Variants in PTCHD4 observed in about 807,000 individuals in gnomAD.
PTCHD4 encodes the protein patched domain-containing protein 4.
Under a neutral mutation model 58.1 loss-of-function variants are expected in PTCHD4, and 33 were observed. That is an observed-to-expected ratio of 0.57 (90% CI 0.43 to 0.76). The LOEUF (loss-of-function observed/expected upper bound fraction) is 0.76. PTCHD4 is among the 30% of genes least tolerant of loss of function. The pLI, the probability that PTCHD4 is intolerant of heterozygous loss-of-function variation, is 0.00. For missense variants in PTCHD4, 1,058 were observed against 1,027.1 expected, an observed-to-expected ratio of 1.03 and a Z score of -0.41; for synonymous variants, 478 against 409.6, an observed-to-expected ratio of 1.17 and a Z score of -2.02.
Position 47,880,518 on chromosome 6 carries a change from G to A in PTCHD4, c.899-582C>T, listed in dbSNP as rs141443834. Among the ~76,000 whole-genome samples the A allele has an allele frequency of 3.9e-3, 473 of 121,416 alleles. 6 individuals are homozygous for A. Among genetic ancestry groups the A allele is most frequent in the African/African-American group, 0.012 (446 of 36,100 alleles). 79.7% of individuals were successfully genotyped at this position (121,416 alleles called of 152,430 possible). A position where few individuals can be genotyped will look rare whatever the true frequency, so the allele number is the denominator to read the frequency against. ...TCCAAAGAGTTGATTAATTAGCTCC[G>A]GATGTGAGTTTTTAAAAAAAAAATC... On this transcript the variant is annotated intron_variant, in intron 4 of 4. Transcript: ENST00000339488.
intron 4 of PTCHD4, among the ~76,000 whole-genome samples, chr6:47,971,233 TAAGAA>T (rs1284234713): frequency 2.0e-5 from 3 of 151,760 alleles, no homozygotes; most frequent in African/African-American, 2.4e-5. Flanking sequence ...TTCAGAAAGT[TAAGAA>T]AAGAGATTGA....
chr6:48,013,611 T>C (rs1278286530), intron 3 of PTCHD4, among the ~76,000 whole-genome samples: 1 of 152,024 alleles, frequency 6.6e-6, no homozygotes, highest in Non-Finnish European at 1.5e-5. Context: ...GCTCTTTAAG[T>C]TGACACTAAT....
At chr6:48,014,993 A>G (rs958231905) in intron 3 of PTCHD4, among the ~76,000 whole-genome samples, 2 of 152,162 alleles carry the variant, frequency 1.3e-5, no homozygotes, top group African/African-American at 4.8e-5. Context: ...CGTCCTCTCC[A>G]CTAAGGCAAC....
chr6:47,992,739 ACTTT>A (rs921454410), intron 4 of PTCHD4, among the ~76,000 whole-genome samples: 20 of 152,196 alleles, frequency 1.3e-4, no homozygotes, highest in African/African-American at 4.6e-4. Context: ...GTGGTTTGAT[ACTTT>A]CTTTTTCTTT....
Position 47,869,813 on chromosome 6 carries a change from T to A in PTCHD4, c.*8490A>T, listed in dbSNP as rs1484544988. On this transcript the variant is annotated 3_prime_UTR_variant, in exon 5 of 5. Transcript: ENST00000339488. ...TATGTTATTTTACATTGTGATGTTA[T>A]AAGATGTTTTGTTTAGGAAGTTTAA... 2.0e-5 allele frequency among the ~76,000 whole-genome samples: 3 copies of A among 151,688 alleles called. No individual in the cohort carries two copies. The highest frequency in any genetic ancestry group is 4.4e-5 in the Non-Finnish European group (3 of 67,756).
intron 3 of PTCHD4, among the ~76,000 whole-genome samples, chr6:48,045,002 T>C (rs1763983190): frequency 6.6e-6 from 1 of 151,780 alleles, no homozygotes; most frequent in South Asian, 2.1e-4. Context: ...ATGCCCCATT[T>C]CTTATAGAAA....
At chr6:47,982,034 T>C (rs528546992) in intron 4 of PTCHD4, among the ~76,000 whole-genome samples, 21 of 152,322 alleles carry the variant, frequency 1.4e-4, no homozygotes, top group Middle Eastern at 3.4e-3. Flanking sequence ...AAAGATGGTG[T>C]GCACACTTCT....
chr6:48,091,358 G>A (rs1765362426), intron 1 of PTCHD4, among the ~76,000 whole-genome samples: 1 of 151,622 alleles, frequency 6.6e-6, no homozygotes, highest in South Asian at 2.1e-4. Context: ...TCAAAATATG[G>A]ACCTCAATCA....
At chr6:48,085,800 T>A (rs1169754796) in intron 1 of PTCHD4, among the ~76,000 whole-genome samples, 1 of 152,224 alleles carries the variant, frequency 6.6e-6, no homozygotes, top group Admixed American at 6.5e-5. Context: ...TACAATTTTC[T>A]ATTTTTTTCA....
At chr6:48,040,210 A>C (rs189795545) in intron 3 of PTCHD4, among the ~76,000 whole-genome samples, 1 of 152,098 alleles carries the variant, frequency 6.6e-6, no homozygotes, top group Non-Finnish European at 1.5e-5. Context: ...TGGTCTATCA[A>C]TCCAAGGAGG....
intron 3 of PTCHD4, among the ~76,000 whole-genome samples, chr6:48,028,027 G>A (rs1437882963): frequency 6.6e-6 from 1 of 151,878 alleles, no homozygotes; most frequent in Non-Finnish European, 1.5e-5. Context: ...CTATAACCCC[G>A]GCCTCCTAGG....
intron 3 of PTCHD4, among the ~76,000 whole-genome samples, chr6:48,019,648 A>G (rs1380911755): frequency 6.6e-6 from 1 of 151,870 alleles, no homozygotes; most frequent in African/African-American, 2.4e-5. Context: ...AGGCAGGAGA[A>G]TGGCGTTAAC....
intron 4 of PTCHD4, among the ~76,000 whole-genome samples, chr6:47,991,837 TA>T (rs571312313): frequency 1.9e-3 from 291 of 151,986 alleles, no homozygotes; most frequent in Middle Eastern, 6.8e-3. Flanking sequence ...TTCAAATTTG[TA>T]AAAGGGAAAA....
chr6:48,066,685 T>G (rs1253844238), intron 3 of PTCHD4, among the ~76,000 whole-genome samples: 1 of 152,194 alleles, frequency 6.6e-6, no homozygotes, highest in African/African-American at 2.4e-5. Context: ...CTAACCTAGA[T>G]TTAAAGCTGA....
At chr6:48,035,378 A>C (rs1763596197) in intron 3 of PTCHD4, among the ~76,000 whole-genome samples, 1 of 152,108 alleles carries the variant, frequency 6.6e-6, no homozygotes, top group Admixed American at 6.6e-5. Context: ...CCCTGGACCA[A>C]CAGCCTCAAC....
chr6:48,048,600 C>T (rs541933472), intron 3 of PTCHD4, among the ~76,000 whole-genome samples: 2 of 151,944 alleles, frequency 1.3e-5, no homozygotes, highest in African/African-American at 4.8e-5. Context: ...AGGCCTTTTC[C>T]CTCCTTTGTG....
At chr6:47,915,862 G>A (rs1185766283) in intron 4 of PTCHD4, among the ~76,000 whole-genome samples, 2 of 152,210 alleles carry the variant, frequency 1.3e-5, no homozygotes, top group East Asian at 3.9e-4. Context: ...GACTGTCTCA[G>A]TGCAAAAGAG....
intron 4 of PTCHD4, among the ~76,000 whole-genome samples, chr6:47,966,426 T>C (rs919389740): frequency 6.6e-6 from 1 of 152,226 alleles, no homozygotes; most frequent in Non-Finnish European, 1.5e-5. Context: ...GTGAAGGGCC[T>C]TGCCTCAATG....
intron 4 of PTCHD4, among the ~76,000 whole-genome samples, chr6:47,991,900 A>G (rs546566454): frequency 2.0e-5 from 3 of 152,202 alleles, no homozygotes; most frequent in Non-Finnish European, 4.4e-5. Flanking sequence ...ATAAAAAAAG[A>G]ACAATAATAA....
Sources: gnomAD v4.1 joint callset for allele counts (sites outside exome capture counted in the v4.1 genomes callset) on GRCh38, gnomAD v4.1.1 for gene constraint, MANE v1.5 for transcripts, NCBI Gene and HGNC (gene_info 2026-07-23, HGNC 2026-07-21) for gene names.